The following PDE7B variants were observed in gnomAD, a reference collection of about 807,000 sequenced individuals.
PDE7B encodes the protein phosphodiesterase 7B, also known as 3',5'-cyclic-AMP phosphodiesterase 7B.
PDE7B carries 29 observed loss-of-function variants against 56.2 expected under a neutral mutation model. The ratio of observed to expected loss-of-function variants is 0.52; its 90% CI spans 0.38 to 0.70. The LOEUF (loss-of-function observed/expected upper bound fraction) is 0.70. Ranked by LOEUF, PDE7B falls within the 30% of genes least tolerant of loss-of-function variation. PDE7B has a pLI of 0.00. For missense variants in PDE7B, 490 were observed against 565.0 expected, an observed-to-expected ratio of 0.87 and a Z score of 1.35; for synonymous variants, 197 against 196.9, an observed-to-expected ratio of 1.00 and a Z score of 0.00.
Position 136,048,101 on chromosome 6 carries a change from C to CAGAT in PDE7B, c.83-60627_83-60626insTAGA, listed in dbSNP as rs1342155455. On this transcript the variant is annotated intron_variant, in intron 2 of 12. Transcript: ENST00000308191. ...ATGGATAGATAGATAGACAGACAGA[C>CAGAT]AGACAGACAGATAGATAGATGTGAT... 2.0e-3 allele frequency among the ~76,000 whole-genome samples: 308 copies of CAGAT among 151,370 alleles called. 1 individual carries two copies. Among genetic ancestry groups the CAGAT allele is most frequent in the African/African-American group, 7.3e-3 (296 of 40,750 alleles).
intron 2 of PDE7B, among the ~76,000 whole-genome samples, chr6:136,005,344 AT>A (rs1775760556): frequency 6.6e-6 from 1 of 152,196 alleles, no homozygotes. Context: ...AAAAGCCAAA[AT>A]TGACAAATGG....
intron 2 of PDE7B, among the ~76,000 whole-genome samples, chr6:135,991,741 G>A (rs917893862): frequency 1.2e-4 from 19 of 152,176 alleles, no homozygotes; most frequent in African/African-American, 4.1e-4. Context: ...GACAAAACCA[G>A]CTGAAGGCAG....
intron 1 of PDE7B, among the ~76,000 whole-genome samples, chr6:135,886,214 T>C (rs770705262): frequency 1.3e-5 from 2 of 152,164 alleles, no homozygotes; most frequent in Non-Finnish European, 1.5e-5. Context: ...GTAGTTGTAA[T>C]GAAACTTTTC....
intron 2 of PDE7B, among the ~76,000 whole-genome samples, chr6:136,079,830 T>C (rs1583869818): frequency 6.6e-6 from 1 of 151,970 alleles, no homozygotes; most frequent in African/African-American, 2.4e-5. Flanking sequence ...CCCTTAACCC[T>C]GAGCTTCCTT....
At chr6:136,132,131 G>A (rs180749655) in intron 3 of PDE7B, among the ~76,000 whole-genome samples, 2 of 152,018 alleles carry the variant, frequency 1.3e-5, no homozygotes, top group East Asian at 1.9e-4. Flanking sequence ...TTGTACAGCC[G>A]ACCTCTACAA....
At chr6:135,943,403 G>A (rs945678566) in intron 1 of PDE7B, among the ~76,000 whole-genome samples, 2 of 152,188 alleles carry the variant, frequency 1.3e-5, no homozygotes, top group Admixed American at 1.3e-4. Context: ...GGCAATTCTT[G>A]CAAACAGCCA....
intron 2 of PDE7B, among the ~76,000 whole-genome samples, chr6:136,024,462 A>C (rs1232114818): frequency 6.6e-6 from 1 of 150,540 alleles, no homozygotes; most frequent in Non-Finnish European, 1.5e-5. Flanking sequence ...TATATCCTTT[A>C]TTTTTCCTTT....
At chr6:135,954,237 C>T (rs1266511769) in intron 2 of PDE7B, among the ~76,000 whole-genome samples, 1 of 152,200 alleles carries the variant, frequency 6.6e-6, no homozygotes, top group African/African-American at 2.4e-5. Flanking sequence ...CCGTTTCATT[C>T]ACTGTTGAGT....
chr6:136,093,433 T>C (rs1220203611), intron 2 of PDE7B, among the ~76,000 whole-genome samples: 1 of 152,230 alleles, frequency 6.6e-6, no homozygotes, highest in African/African-American at 2.4e-5. Flanking sequence ...GCTTAATTAA[T>C]TTTATGGATA....
At chr6:136,059,184 C>T (rs975427289) in intron 2 of PDE7B, among the ~76,000 whole-genome samples, 1 of 152,058 alleles carries the variant, frequency 6.6e-6, no homozygotes, top group Non-Finnish European at 1.5e-5. Context: ...AAAAATCAGA[C>T]CTTGGTGATG....
chr6:136,169,875 G>T (rs180927538), intron 8 of PDE7B, among the ~76,000 whole-genome samples: 3 of 152,222 alleles, frequency 2.0e-5, no homozygotes, highest in African/African-American at 7.2e-5. Context: ...TTTCATTACT[G>T]CTTCAAACAT....
chr6:136,071,714 G>T (rs544522221), intron 2 of PDE7B, among the ~76,000 whole-genome samples: 11 of 152,260 alleles, frequency 7.2e-5, no homozygotes, highest in South Asian at 2.1e-4. Flanking sequence ...GATCGCTTGA[G>T]GCCAAAAGTT....
intron 1 of PDE7B, among the ~76,000 whole-genome samples, chr6:135,864,275 T>G (rs1442469115): frequency 6.6e-6 from 1 of 152,140 alleles, no homozygotes; most frequent in African/African-American, 2.4e-5. Flanking sequence ...GTATTTAACT[T>G]TATATAATGT....
Position 136,029,238 on chromosome 6 carries a change from T to C in PDE7B, c.83-79493T>C, listed in dbSNP as rs144610651. 4.0e-3 allele frequency among the ~76,000 whole-genome samples: 611 copies of C among 152,244 alleles called. 9 individuals are homozygous for C. Among genetic ancestry groups the C allele is most frequent in the East Asian group, 0.025 (131 of 5,186 alleles). The stretch of plus-strand genomic sequence containing the variant: ...AAGTTTTCAATGATTAACGAGAGAC[T>C]TGAAAAACACAATTTAATAGTAGCC... On this transcript the variant is annotated intron_variant, in intron 2 of 12. Coordinates refer to ENST00000308191, the MANE Select transcript of PDE7B (RefSeq NM_018945.4).
intron 1 of PDE7B, among the ~76,000 whole-genome samples, chr6:135,864,198 C>G (rs1309647802): frequency 6.6e-6 from 1 of 152,054 alleles, no homozygotes; most frequent in Admixed American, 6.6e-5. Flanking sequence ...TCCTTTGTGG[C>G]AAATTTGAGA....
At chr6:135,920,181 A>G (rs1018297285) in intron 1 of PDE7B, among the ~76,000 whole-genome samples, 2 of 152,172 alleles carry the variant, frequency 1.3e-5, no homozygotes, top group Non-Finnish European at 2.9e-5. Context: ...CAAAAATTTC[A>G]TTGGCAAAAG....
chr6:136,024,082 C>A (rs1415827905), intron 2 of PDE7B, among the ~76,000 whole-genome samples: 1 of 151,994 alleles, frequency 6.6e-6, no homozygotes, highest in African/African-American at 2.4e-5. Context: ...TAAAAAAAAA[C>A]CTCCTCTAGG....
chr6:135,920,355 C>A (rs574860053), intron 1 of PDE7B, among the ~76,000 whole-genome samples: 1 of 152,298 alleles, frequency 6.6e-6, no homozygotes, highest in East Asian at 1.9e-4. Flanking sequence ...CCCCATGCTT[C>A]TTTTTCCATC....
intron 1 of PDE7B, among the ~76,000 whole-genome samples, chr6:135,918,857 C>T (rs916023137): frequency 6.6e-6 from 1 of 152,102 alleles, no homozygotes; most frequent in South Asian, 2.1e-4. Context: ...TTATAATGAA[C>T]AAAGTGTTTC....
Sources: gnomAD v4.1 joint callset for allele counts (sites outside exome capture counted in the v4.1 genomes callset) on GRCh38, gnomAD v4.1.1 for gene constraint, MANE v1.5 for transcripts, NCBI Gene and HGNC (gene_info 2026-07-23, HGNC 2026-07-21) for gene names.